C10orf143: variants seen among roughly 807,000 people sequenced by gnomAD.
C10orf143 encodes uncharacterized protein C10orf143.
chr10:130,048,221 G>C (rs906897200), intron 3 of C10orf143, among the ~76,000 whole-genome samples: 5 of 152,192 alleles, frequency 3.3e-5, no homozygotes, highest in Non-Finnish European at 7.3e-5. Context: ...GGGGTCAGCT[G>C]TCCAGCTCAC....
chr10:130,067,937 T>C (rs994853723), intron 3 of C10orf143: 3 of 152,414 alleles, frequency 2.0e-5, no homozygotes, highest in Non-Finnish European at 2.9e-5. Context: ...TGTCACAAAG[T>C]TGTCCTGGGA....
Position 130,038,481 on chromosome 10 carries a change from G to C in C10orf143, c.298-2511C>G, listed in dbSNP as rs540565809. On this transcript the variant is annotated intron_variant and NMD_transcript_variant, in intron 3 of 5. Transcript: ENST00000643056. ...GGGTGGGCCCCACAGCCTCACTTAAGGTCTTGATGAGCCTGTGTAACACTT... is the reference window on the plus strand; with the variant it reads ...GGGTGGGCCCCACAGCCTCACTTAACGTCTTGATGAGCCTGTGTAACACTT... Among the ~76,000 whole-genome samples the C allele has an allele frequency of 2.0e-5, 3 of 152,208 alleles. No homozygotes were observed. In the East Asian group the frequency reaches 5.8e-4, roughly 29 times the overall value.
At chr10:130,067,315 C>T (rs1459351262) in intron 3 of C10orf143, 7 of 152,362 alleles carry the variant, frequency 4.6e-5, no homozygotes, top group Admixed American at 6.5e-5. Context: ...ACACACCTCA[C>T]TCCATCTGGG....
intron 3 of C10orf143, among the ~76,000 whole-genome samples, chr10:130,074,452 A>G (rs1025174768): frequency 2.0e-5 from 3 of 152,218 alleles, no homozygotes; most frequent in African/African-American, 7.2e-5. Context: ...GCTTGCTATC[A>G]GCTGTGGCCG....
chr10:130,055,582 G>A, intron 3 of C10orf143, among the ~76,000 whole-genome samples: 1 of 152,164 alleles, frequency 6.6e-6, no homozygotes, highest in East Asian at 1.9e-4. Flanking sequence ...TAAAAAGTTT[G>A]TCAAGAATGT....
At position 130,110,583 on chromosome 10, in the gene C10orf143, G is replaced by A. The variant is rs562643277; in HGVS notation, c.69+121C>T. ...CTCCCAGGGACGTACGCGAGCGTGC[G>A]AGTGTCTTGGGCCAGGCCTCCTCAC... On this transcript the variant is annotated intron_variant, in intron 1 of 3. Coordinates refer to ENST00000637128, the MANE Select transcript of C10orf143 (RefSeq NM_001355042.2). The A allele has an allele frequency of 1.3e-5, 5 of 397,506 alleles. 1 individual carries two copies. Among genetic ancestry groups the A allele is most frequent in the Non-Finnish European group, 2.2e-5 (5 of 225,572 alleles). The allele number at this position is 397,506 out of a possible 1,614,324, so 24.6% of individuals were successfully genotyped here. A position where few individuals can be genotyped will look rare whatever the true frequency, so the allele number is the denominator to read the frequency against.
intron 3 of C10orf143, among the ~76,000 whole-genome samples, chr10:130,037,410 C>G (rs1481865383): frequency 6.6e-6 from 1 of 152,226 alleles, no homozygotes; most frequent in Non-Finnish European, 1.5e-5. Context: ...AAGGCTCACT[C>G]CCAAGCCCAT....
intron 3 of C10orf143, among the ~76,000 whole-genome samples, chr10:130,045,416 G>A (rs12250806): frequency 0.43 from 65,756 of 152,082 alleles, 14,385 homozygotes; most frequent in Middle Eastern, 0.5. Flanking sequence ...ACTAGCAGGT[G>A]ACGAACCATA....
intron 3 of C10orf143, among the ~76,000 whole-genome samples, chr10:130,041,883 AACAC>A (rs143782686): frequency 7.2e-5 from 11 of 151,880 alleles, no homozygotes; most frequent in Non-Finnish European, 1.2e-4. Context: ...GAACACGTGT[AACAC>A]ACACACACAC....
intron 1 of C10orf143, chr10:130,107,886 A>T: frequency 7.7e-7 from 1 of 1,290,644 alleles, no homozygotes; most frequent in Non-Finnish European, 1.1e-6. Flanking sequence ...TCATATCTTG[A>T]TTCAGCTCTT....
At position 130,064,358 on chromosome 10, in the gene C10orf143, T is replaced by C. The variant is rs988481769; in HGVS notation, c.323A>G (p.His108Arg). ...CTTTTTTCCAGCTTGCATCTTCTAA[T>C]GATTCTTGGTATGGCTAAAATGTCC... Reference protein sequence around the residue: ...ESGHFSHTKNH With the variant: ...ESGHFSHTKNR Residue 108 changes from histidine to arginine, a missense_variant, in exon 4 of 4, where the codon CAT becomes CGT. Physicochemically the swap from His to Arg is conservative, Grantham distance 29. Coordinates refer to ENST00000637128, the MANE Select transcript of C10orf143 (RefSeq NM_001355042.2). 2.5e-6 allele frequency: 1 copy of C among 398,516 alleles called. No individual in the cohort carries two copies. The highest frequency in any genetic ancestry group is 4.4e-5 in the Admixed American group (1 of 22,720). 24.7% of individuals were successfully genotyped at this position (398,516 alleles called of 1,614,324 possible). A position where few individuals can be genotyped will look rare whatever the true frequency, so the allele number is the denominator to read the frequency against.
chr10:130,107,566 T>TA, intron 1 of C10orf143: 1 of 1,347,608 alleles, frequency 7.4e-7, no homozygotes, highest in Non-Finnish European at 1.1e-6. Context: ...ATGTTCCAAA[T>TA]ACAGCATTTG....
intron 3 of C10orf143, among the ~76,000 whole-genome samples, chr10:130,055,173 AG>A (rs1189943064): frequency 6.6e-6 from 1 of 152,194 alleles, no homozygotes. Flanking sequence ...GAAAAAAAAC[AG>A]AGAGAAGGTT....
chr10:130,069,364 T>C (rs1022983932), intron 3 of C10orf143, among the ~76,000 whole-genome samples: 1 of 152,150 alleles, frequency 6.6e-6, no homozygotes, highest in Non-Finnish European at 1.5e-5. Context: ...GATAGAGAAA[T>C]TAAGACATCC....
At chr10:130,092,488 G>C (rs2765485) in intron 1 of C10orf143, among the ~76,000 whole-genome samples, 96,733 of 152,010 alleles carry the variant, frequency 0.64, 31,040 homozygotes, top group Admixed American at 0.72. Flanking sequence ...ACCATCGACA[G>C]TATGAAGAAA....
At chr10:130,036,133 T>C (rs1224150164) in intron 3 of C10orf143, among the ~76,000 whole-genome samples, 2 of 152,144 alleles carry the variant, frequency 1.3e-5, no homozygotes, top group South Asian at 2.1e-4. Context: ...GGCTTCAACA[T>C]AGGAATTTTA....
intron 1 of C10orf143, 40 bp from the exon 2 acceptor site, chr10:130,079,941 G>A: frequency 7.5e-6 from 3 of 398,598 alleles, no homozygotes; most frequent in Non-Finnish European, 1.3e-5. Flanking sequence ...GTCTCATAAA[G>A]CACACAACAC....
intron 1 of C10orf143, among the ~76,000 whole-genome samples, chr10:130,105,306 G>C (rs1861622598): frequency 6.6e-6 from 1 of 152,230 alleles, no homozygotes; most frequent in East Asian, 1.9e-4. Flanking sequence ...TCTGGAGCCA[G>C]ATGGCTTGGA....
chr10:130,075,192 G>T (rs1408710333), intron 3 of C10orf143, among the ~76,000 whole-genome samples: 1 of 152,162 alleles, frequency 6.6e-6, no homozygotes, highest in African/African-American at 2.4e-5. Flanking sequence ...TGTTTTGCAT[G>T]CTGGCTTTTC....
Sources: allele counts gnomAD v4.1 joint callset (sites outside exome capture counted in the v4.1 genomes callset), GRCh38; gene constraint gnomAD v4.1.1; transcripts MANE v1.5; gene names NCBI Gene and HGNC (gene_info 2026-07-23, HGNC 2026-07-21).